Variants in SUGCT observed in about 807,000 individuals in gnomAD.
SUGCT encodes succinyl-CoA:glutarate CoA-transferase.
SUGCT carries 41 observed loss-of-function variants against 55.0 expected under a neutral mutation model. The observed-to-expected ratio is 0.74, with a 90% CI of 0.58 to 0.97. SUGCT has a LOEUF of 0.97. SUGCT is among the 50% of genes least tolerant of loss of function. SUGCT has a pLI of 0.00. For synonymous variants in SUGCT, 187 were observed against 200.4 expected (o/e 0.93, Z 0.56); for missense variants, 568 against 547.8 (o/e 1.04, Z -0.37).
chr7:40,683,123 CCTGA>C (rs1298584920), intron 12 of SUGCT, among the ~76,000 whole-genome samples: 11 of 151,834 alleles, frequency 7.2e-5, no homozygotes, highest in African/African-American at 2.7e-4. Flanking sequence ...AAAAAAGTAA[CCTGA>C]CTTTTTTCTG....
chr7:40,157,408 T>C (rs1464965219), intron 1 of SUGCT, among the ~76,000 whole-genome samples: 1 of 152,226 alleles, frequency 6.6e-6, no homozygotes, highest in Non-Finnish European at 1.5e-5. Context: ...CAATGGGTTT[T>C]CATTGCATTG....
chr7:40,646,510 A>G (rs774562012), intron 12 of SUGCT, among the ~76,000 whole-genome samples: 12 of 152,124 alleles, frequency 7.9e-5, no homozygotes, highest in Non-Finnish European at 1.5e-4. Context: ...GCTAACTCAT[A>G]TCTGTCCTCC....
At chr7:40,240,385 AGGCAG>A (rs1789300221) in intron 7 of SUGCT, among the ~76,000 whole-genome samples, 1 of 152,142 alleles carries the variant, frequency 6.6e-6, no homozygotes. Flanking sequence ...CTGGAGGCTG[AGGCAG>A]GAGAATCACT....
chr7:40,656,802 A>G (rs1219480446), intron 12 of SUGCT, among the ~76,000 whole-genome samples: 2 of 151,854 alleles, frequency 1.3e-5, no homozygotes, highest in Non-Finnish European at 2.9e-5. Context: ...ATCCAACCCC[A>G]CTCTTTGGTG....
intron 12 of SUGCT, among the ~76,000 whole-genome samples, chr7:40,726,691 G>A (rs960109626): frequency 2.6e-5 from 4 of 152,144 alleles, no homozygotes; most frequent in Admixed American, 6.5e-5. Context: ...CTGAGGCGCC[G>A]CAACCGAATT....
At chr7:40,459,024 G>A (rs761920783) in intron 10 of SUGCT, 77 bp from the exon 11 acceptor site, 2 of 859,752 alleles carry the variant, frequency 2.3e-6, no homozygotes, top group Non-Finnish European at 3.8e-6. Flanking sequence ...GGAGAGATAG[G>A]ACCTGAACAC....
chr7:40,649,713 A>G (rs1201201263), intron 12 of SUGCT, among the ~76,000 whole-genome samples: 1 of 152,198 alleles, frequency 6.6e-6, no homozygotes, highest in East Asian at 1.9e-4. Context: ...TCTTGCTCAA[A>G]CTAAAGGCGT....
chr7:40,471,471 A>G (rs189399219), intron 11 of SUGCT, among the ~76,000 whole-genome samples: 120 of 152,232 alleles, frequency 7.9e-4, no homozygotes, highest in African/African-American at 2.8e-3. Context: ...AAGAGATTAT[A>G]TGCATGGTTA....
At chr7:40,768,644 G>A (rs1261783267) in intron 13 of SUGCT, among the ~76,000 whole-genome samples, 2 of 152,142 alleles carry the variant, frequency 1.3e-5, no homozygotes, top group Admixed American at 6.5e-5. Context: ...GATCAGGCTG[G>A]ATGCTTAAAA....
chr7:40,164,646 T>G (rs561678995), intron 1 of SUGCT, among the ~76,000 whole-genome samples: 1 of 152,180 alleles, frequency 6.6e-6, no homozygotes, highest in Non-Finnish European at 1.5e-5. Flanking sequence ...CCTCCAGAGA[T>G]TTCAGAAAAA....
At chr7:40,772,316 CAGATAA>C (rs1412246707) in intron 13 of SUGCT, among the ~76,000 whole-genome samples, 1 of 151,980 alleles carries the variant, frequency 6.6e-6, no homozygotes, top group Non-Finnish European at 1.5e-5. Flanking sequence ...CCTGTGGTTA[CAGATAA>C]AAGCCTTTAT....
At chr7:40,802,375 C>T (rs902334092) in intron 13 of SUGCT, among the ~76,000 whole-genome samples, 2 of 152,046 alleles carry the variant, frequency 1.3e-5, no homozygotes, top group Non-Finnish European at 2.9e-5. Flanking sequence ...TTCTTGCTGA[C>T]TTTACAATGT....
intron 13 of SUGCT, among the ~76,000 whole-genome samples, chr7:40,783,317 GAT>G (rs1299025109): frequency 6.6e-6 from 1 of 152,106 alleles, no homozygotes; most frequent in African/African-American, 2.4e-5. Context: ...TACAGAATGA[GAT>G]AGAACTTTCA....
At chr7:40,259,400 A>G (rs1489809617) in intron 7 of SUGCT, among the ~76,000 whole-genome samples, 3 of 152,204 alleles carry the variant, frequency 2.0e-5, no homozygotes, top group Admixed American at 6.5e-5. Context: ...TGCAGGGCCA[A>G]CTGTGGCTAC....
At chr7:40,945,438 G>A in the SUGCT span, among the ~76,000 whole-genome samples, 1 of 152,270 alleles carries the variant, frequency 6.6e-6, no homozygotes, top group East Asian at 1.9e-4. Flanking sequence ...CTGTGGAGAT[G>A]CAGTCACCCT....
intron 13 of SUGCT, among the ~76,000 whole-genome samples, chr7:40,776,340 T>A (rs935696464): frequency 1.3e-5 from 2 of 152,196 alleles, no homozygotes; most frequent in Non-Finnish European, 2.9e-5. Flanking sequence ...ACTGAAAGAC[T>A]TTTTGAGTTT....
the SUGCT span, among the ~76,000 whole-genome samples, chr7:41,024,837 A>C: frequency 1.2e-4 from 19 of 152,182 alleles, no homozygotes; most frequent in African/African-American, 4.6e-4. Flanking sequence ...CATATTCTTG[A>C]GAAATATATG....
chr7:40,459,155 C>T lies in SUGCT; in HGVS notation c.943C>T (p.Arg315Trp), dbSNP rs751540603. ...DNSKYKTNHL[R>W]VHNRKELIKI... is the part of the protein sequence containing the mutation. ...TTCCAAGTATAAAACTAACCACCTT[C>T]GGGTACACAATAGAAAAGAGCTTAT... Residue 315 changes from arginine (R) to tryptophan (W), a missense_variant, in exon 11 of 14, where the codon CGG (arginine) becomes TGG (tryptophan). Coordinates refer to ENST00000335693, the MANE Select transcript of SUGCT (RefSeq NM_001193313.2). The T allele has an allele frequency of 4.2e-5, 68 of 1,611,358 alleles. No homozygotes were observed. In the South Asian group the frequency reaches 4.6e-4, roughly 11 times the overall value.
At chr7:40,213,182 G>C (rs574723448) in intron 6 of SUGCT, among the ~76,000 whole-genome samples, 1 of 152,124 alleles carries the variant, frequency 6.6e-6, no homozygotes, top group East Asian at 1.9e-4. Context: ...ATTCAAATTT[G>C]ACCAACTTTT....
Sources: allele counts gnomAD v4.1 joint callset (sites outside exome capture counted in the v4.1 genomes callset), GRCh38; gene constraint gnomAD v4.1.1; transcripts MANE v1.5; gene names NCBI Gene and HGNC (gene_info 2026-07-23, HGNC 2026-07-21).